Variants in MDFIC observed in about 807,000 individuals in gnomAD.
The protein encoded by MDFIC is myoD family inhibitor domain-containing protein.
Under a neutral mutation model 23.2 loss-of-function variants are expected in MDFIC, and 17 were observed. The observed-to-expected ratio is 0.73, with a 90% CI of 0.50 to 1.10. The LOEUF is 1.10. Among genes scored for constraint, MDFIC ranks in the 50% least tolerant of loss-of-function variants. The pLI is 0.00. For synonymous variants in MDFIC, 120 were observed against 115.2 expected (o/e 1.04, Z -0.27); for missense variants, 356 against 316.6 (o/e 1.12, Z -0.95).
intron 4 of MDFIC, among the ~76,000 whole-genome samples, chr7:114,982,928 G>C (rs1268990567): frequency 6.6e-6 from 1 of 152,172 alleles, no homozygotes; most frequent in African/African-American, 2.4e-5. Flanking sequence ...ATCAAAAACT[G>C]CATGAAGCCT....
At chr7:114,951,090 G>A (rs1792759706) in intron 3 of MDFIC, among the ~76,000 whole-genome samples, 1 of 152,216 alleles carries the variant, frequency 6.6e-6, no homozygotes, top group African/African-American at 2.4e-5. Flanking sequence ...GGAGGCTGAG[G>A]TGGGAAGATA....
chr7:114,935,582 A>C (rs1792409972), intron 2 of MDFIC, among the ~76,000 whole-genome samples: 1 of 151,840 alleles, frequency 6.6e-6, no homozygotes, highest in South Asian at 2.1e-4. Context: ...GTTCAGTAGA[A>C]TATTTGAGGT....
intron 3 of MDFIC, among the ~76,000 whole-genome samples, chr7:114,977,658 A>C (rs1793342791): frequency 6.6e-6 from 1 of 152,156 alleles, no homozygotes; most frequent in Non-Finnish European, 1.5e-5. Flanking sequence ...AATGCTGGAC[A>C]ACACAACACA....
intron 4 of MDFIC, chr7:115,014,550 G>T (rs1791754877): frequency 1.6e-6 from 2 of 1,279,838 alleles, no homozygotes; most frequent in Non-Finnish European, 2.0e-6. Context: ...GGGTGGGGTT[G>T]TTGTGTCTTA....
At chr7:114,961,117 A>G (rs1792981970) in intron 3 of MDFIC, among the ~76,000 whole-genome samples, 2 of 152,126 alleles carry the variant, frequency 1.3e-5, no homozygotes, top group African/African-American at 4.8e-5. Context: ...TAGGCATAGC[A>G]GAGCAAGCAT....
intron 4 of MDFIC, among the ~76,000 whole-genome samples, chr7:114,997,965 G>A (rs543122108): frequency 4.2e-4 from 64 of 152,198 alleles, no homozygotes; most frequent in Non-Finnish European, 7.9e-4. Flanking sequence ...GTAGGATATG[G>A]CATAGTAGAT....
intron 3 of MDFIC, among the ~76,000 whole-genome samples, chr7:114,964,890 G>A (rs1053946683): frequency 7.9e-5 from 12 of 152,132 alleles, no homozygotes; most frequent in African/African-American, 2.9e-4. Flanking sequence ...TCTCAGTGCT[G>A]GATCAGAAGA....
chr7:114,942,063 A>G (rs1040558004), intron 2 of MDFIC, among the ~76,000 whole-genome samples: 1 of 152,196 alleles, frequency 6.6e-6, no homozygotes, highest in Admixed American at 6.5e-5. Flanking sequence ...TTTACCATGA[A>G]CATCTCTGGT....
chr7:114,975,588 A>G (rs1793294711), intron 3 of MDFIC, among the ~76,000 whole-genome samples: 1 of 151,646 alleles, frequency 6.6e-6, no homozygotes, highest in African/African-American at 2.4e-5. Flanking sequence ...GCCATACACA[A>G]CTTTGACACA....
At chr7:114,929,970 T>A (rs1285635026) in intron 2 of MDFIC, among the ~76,000 whole-genome samples, 1 of 152,104 alleles carries the variant, frequency 6.6e-6, no homozygotes, top group Non-Finnish European at 1.5e-5. Flanking sequence ...CTAGAGAACA[T>A]TTGATGTGAA....
intron 4 of MDFIC, 41 bp downstream of exon 4, chr7:114,979,822 A>G: frequency 6.3e-7 from 1 of 1,575,682 alleles, no homozygotes. Flanking sequence ...GACCAGATGT[A>G]AAATAATATT....
intron 4 of MDFIC, among the ~76,000 whole-genome samples, chr7:115,013,405 T>C (rs1226095131): frequency 2.0e-5 from 3 of 152,234 alleles, no homozygotes; most frequent in Non-Finnish European, 4.4e-5. Context: ...CTATGTCTGA[T>C]AAATTTTACG....
chr7:114,996,135 C>G (rs989623389), intron 4 of MDFIC, among the ~76,000 whole-genome samples: 2 of 152,116 alleles, frequency 1.3e-5, no homozygotes, highest in African/African-American at 4.8e-5. Flanking sequence ...CATGATCTGA[C>G]TTACTATTTT....
At chr7:114,979,848 G>T (rs1210935795) in intron 4 of MDFIC, 67 bp downstream of exon 4, 1 of 1,528,018 alleles carries the variant, frequency 6.5e-7, no homozygotes, top group South Asian at 1.1e-5. Flanking sequence ...GTAATTATTT[G>T]ATCAAGCATA....
chr7:115,004,761 T>C (rs769208589), intron 4 of MDFIC, among the ~76,000 whole-genome samples: 1 of 152,164 alleles, frequency 6.6e-6, no homozygotes, highest in Non-Finnish European at 1.5e-5. Context: ...CACTCACTGC[T>C]CTCAGAGAGT....
At chr7:114,940,833 C>G (rs552628173) in intron 2 of MDFIC, among the ~76,000 whole-genome samples, 25 of 152,124 alleles carry the variant, frequency 1.6e-4, no homozygotes, top group Non-Finnish European at 2.6e-4. Flanking sequence ...CCAGTCAAAT[C>G]CAAACTGAGA....
chr7:114,941,973 A>G (rs184602416), intron 2 of MDFIC, among the ~76,000 whole-genome samples: 108 of 152,260 alleles, frequency 7.1e-4, no homozygotes, highest in African/African-American at 2.5e-3. Context: ...TGCTTCCTGT[A>G]ACCTTTTCAC....
intron 2 of MDFIC, among the ~76,000 whole-genome samples, chr7:114,931,276 A>G (rs1459653806): frequency 6.6e-6 from 1 of 152,238 alleles, no homozygotes; most frequent in Non-Finnish European, 1.5e-5. Context: ...TTATTTTAAC[A>G]TGAATTTAAT....
At chr7:115,007,928 C>A (rs1163598294) in intron 4 of MDFIC, among the ~76,000 whole-genome samples, 1 of 147,636 alleles carries the variant, frequency 6.8e-6, no homozygotes, top group Non-Finnish European at 1.5e-5. Flanking sequence ...AACTCCTGGG[C>A]TCAAGGGATC....
Sources: allele counts gnomAD v4.1 joint callset (sites outside exome capture counted in the v4.1 genomes callset), GRCh38; gene constraint gnomAD v4.1.1; transcripts MANE v1.5; gene names NCBI Gene and HGNC (gene_info 2026-07-23, HGNC 2026-07-21).